The following CDH23 variants were observed in gnomAD, a reference collection of about 807,000 sequenced individuals.
CDH23 encodes the protein cadherin-23.
CDH23 carries 189 observed loss-of-function variants against 317.1 expected under a neutral mutation model. The observed-to-expected ratio is 0.60, with a 90% CI of 0.53 to 0.67. CDH23 has a LOEUF of 0.67. Ranked by LOEUF, CDH23 falls within the 30% of genes least tolerant of loss-of-function variation. The probability of loss-of-function intolerance (pLI) is 0.00; values close to 1 mark genes in which losing one functional copy is unlikely to be tolerated. For missense variants in CDH23, 4,401 were observed against 4,592.4 expected (o/e 0.96, Z 1.20); for synonymous variants, 1,839 against 1,876.8 (o/e 0.98, Z 0.52).
intron 6 of CDH23, among the ~76,000 whole-genome samples, chr10:71,560,536 C>A (rs1857078813): frequency 6.6e-6 from 1 of 152,170 alleles, no homozygotes; most frequent in Non-Finnish European, 1.5e-5. Context: ...GGTGACCCGA[C>A]TTTGAATCCT....
At chr10:71,456,408 T>C (rs1289190414) in intron 3 of CDH23, among the ~76,000 whole-genome samples, 1 of 150,964 alleles carries the variant, frequency 6.6e-6, no homozygotes, top group Non-Finnish European at 1.5e-5. Context: ...TCTAAGGTGA[T>C]AGAACAGACT....
rs758272167 is a variant in CDH23 at position 71,645,813 on chromosome 10, T to A, written c.1141-18T>A. 5 of 1,605,962 alleles carry A rather than the reference T, an allele frequency of 3.1e-6. 1 individual carries two copies. The South Asian group carries it at 4.4e-5, about 14-fold the overall frequency. ...ACTGTGCCCTTCCTGACTGGCTTCT[T>A]CTGCACTCTTGACCCAGGGCCTGAA... On this transcript the variant is annotated intron_variant, in intron 12 of 69. Coordinates refer to ENST00000224721, the MANE Select transcript of CDH23 (RefSeq NM_022124.6).
intron 1 of CDH23, among the ~76,000 whole-genome samples, chr10:71,424,200 T>C (rs1848943469): frequency 6.6e-6 from 1 of 152,232 alleles, no homozygotes; most frequent in Non-Finnish European, 1.5e-5. Flanking sequence ...GATTTGAAAC[T>C]GGATCTCGCT....
At position 71,785,667 on chromosome 10, in the gene CDH23, G is replaced by A. The variant is rs1060499789; in HGVS notation, c.5749G>A (p.Glu1917Lys). ...IVTVNRPLDR[E>K]RIPEYKLTIS... ...CACTGTGAACCGGCCCCTGGACCGCGAGCGGATCCCAGAGTACAAGCTGAC... is the reference window on the plus strand; with the variant it reads ...CACTGTGAACCGGCCCCTGGACCGCAAGCGGATCCCAGAGTACAAGCTGAC... Residue 1917 changes from glutamate to lysine, a missense_variant, in exon 44 of 70, where the codon GAG (glutamate) becomes AAG (lysine). This residue lies in a region of CDH23 where 3,068 missense variants were observed against 3,203.3 expected (regional missense o/e 0.96). Coordinates refer to ENST00000224721, the MANE Select transcript of CDH23 (RefSeq NM_022124.6). The A allele has an allele frequency of 1.1e-5, 17 of 1,607,718 alleles. No homozygotes were observed. Among genetic ancestry groups the A allele is most frequent in the East Asian group, 2.2e-5 (1 of 44,670 alleles).
chr10:71,803,507 G>T, intron 55 of CDH23, 87 bp downstream of exon 55: 1 of 1,251,338 alleles, frequency 8.0e-7, no homozygotes. Context: ...CACTCTAAAG[G>T]TGGGGAAACT....
chr10:71,728,959 T>C (rs1421249659), intron 30 of CDH23, among the ~76,000 whole-genome samples: 1 of 152,094 alleles, frequency 6.6e-6, no homozygotes, highest in African/African-American at 2.4e-5. Flanking sequence ...GCCTCCCTAG[T>C]AGCTGGGACT....
At chr10:71,628,883 T>G (rs1396605616) in intron 11 of CDH23, among the ~76,000 whole-genome samples, 1 of 152,256 alleles carries the variant, frequency 6.6e-6, no homozygotes, top group Non-Finnish European at 1.5e-5. Flanking sequence ...TCCCTGGTTC[T>G]GACTAGTGCT....
At chr10:71,781,813 G>T (rs1015613987) in intron 41 of CDH23, among the ~76,000 whole-genome samples, 1 of 152,154 alleles carries the variant, frequency 6.6e-6, no homozygotes, top group African/African-American at 2.4e-5. Flanking sequence ...TAACTTTGGG[G>T]TCTCTGAGCG....
At chr10:71,613,252 C>A (rs1307292447) in intron 9 of CDH23, among the ~76,000 whole-genome samples, 1 of 152,222 alleles carries the variant, frequency 6.6e-6, no homozygotes. Context: ...TAAAGAAACT[C>A]CCTTCTATCA....
intron 15 of CDH23, among the ~76,000 whole-genome samples, chr10:71,676,963 C>G (rs1864396357): frequency 6.6e-6 from 1 of 152,150 alleles, no homozygotes. Context: ...TCTTGCCGGA[C>G]CTTTCTGCTA....
At chr10:71,759,846 C>CACACACACACACACATAT (rs776230069) in intron 38 of CDH23, among the ~76,000 whole-genome samples, 839 of 59,904 alleles carry the variant, frequency 0.014, 61 homozygotes, top group African/African-American at 0.029. Flanking sequence ...CACACACACA[C>CACACACACACACACATAT]ATATACACAC....
chr10:71,735,718 G>T (rs1348304879), intron 34 of CDH23, among the ~76,000 whole-genome samples: 1 of 152,222 alleles, frequency 6.6e-6, no homozygotes, highest in African/African-American at 2.4e-5. Context: ...TGGCCCCAAG[G>T]CTCCCTGGAG....
At chr10:71,605,674 AAC>A (rs1400559079) in intron 9 of CDH23, among the ~76,000 whole-genome samples, 2 of 152,190 alleles carry the variant, frequency 1.3e-5, no homozygotes, top group African/African-American at 4.8e-5. Flanking sequence ...ACACATCATA[AAC>A]ACATCTGTTT....
At chr10:71,616,259 G>A (rs1861184994) in intron 10 of CDH23, among the ~76,000 whole-genome samples, 1 of 152,240 alleles carries the variant, frequency 6.6e-6, no homozygotes, top group Non-Finnish European at 1.5e-5. Context: ...CGTTGATTGA[G>A]AGAAACGGGT....
intron 1 of CDH23, among the ~76,000 whole-genome samples, chr10:71,432,851 C>T (rs7069945): frequency 0.85 from 129,940 of 152,122 alleles, 55,963 homozygotes; most frequent in African/African-American, 0.95. Flanking sequence ...TCCCTAGAAA[C>T]GTCTGGTAGC....
rs553188705 is a variant in CDH23, at chr10:71,583,746, C to T, written c.832+5754C>T. Among the ~76,000 whole-genome samples, 8 of 152,300 alleles carry T rather than the reference C, an allele frequency of 5.3e-5. No homozygotes were observed. In the South Asian group the frequency reaches 1.7e-3, roughly 32 times the overall value. On this transcript the variant is annotated intron_variant, in intron 9 of 69. Transcript: ENST00000224721. ...AGAACCCTGTTTATTGGGTGCCTGC[C>T]GTGCACCAGGCACTGCCTGGACACA...
intron 26 of CDH23, 47 bp from the exon 27 acceptor site, chr10:71,709,051 C>G (rs765605428): frequency 6.4e-7 from 1 of 1,560,874 alleles, no homozygotes; most frequent in Non-Finnish European, 8.8e-7. Flanking sequence ...TTCCCCTGGC[C>G]GGGAGCTCTG....
intron 3 of CDH23, among the ~76,000 whole-genome samples, chr10:71,491,009 CA>C (rs1288459545): frequency 1.3e-5 from 2 of 151,326 alleles, no homozygotes; most frequent in East Asian, 3.9e-4. Flanking sequence ...GACTCCATCG[CA>C]AAAAAAATAA....
chr10:71,767,217 C>A (rs1840569402), intron 38 of CDH23, among the ~76,000 whole-genome samples: 1 of 152,222 alleles, frequency 6.6e-6, no homozygotes, highest in South Asian at 2.1e-4. Flanking sequence ...CCCAGCAGGC[C>A]CCGGGTGACC....
Sources: allele counts gnomAD v4.1 joint callset (sites outside exome capture counted in the v4.1 genomes callset), GRCh38; gene constraint gnomAD v4.1.1; regional missense constraint gnomAD v4.1.1; transcripts MANE v1.5; gene names NCBI Gene and HGNC (gene_info 2026-07-23, HGNC 2026-07-21).